The following TRPM1 variants were observed in gnomAD, a reference collection of about 807,000 sequenced individuals.
TRPM1 encodes the protein transient receptor potential cation channel subfamily M member 1.
In TRPM1, 113 loss-of-function variants were observed where a neutral mutation model predicts 149.4. The observed-to-expected ratio is 0.76, with a 90% CI of 0.65 to 0.88. The LOEUF (loss-of-function observed/expected upper bound fraction) is 0.88, where lower values mean the gene tolerates loss of function less well. Among genes scored for constraint, TRPM1 ranks in the 40% least tolerant of loss-of-function variants. The pLI, the probability that TRPM1 is intolerant of heterozygous loss-of-function variation, is 0.00. For missense variants in TRPM1, 1,976 were observed against 2,038.7 expected (o/e 0.97, Z 0.59); for synonymous variants, 741 against 759.5 (o/e 0.98, Z 0.40).
rs141993817 is a variant in TRPM1, at chr15:31,116,244, G to A, written c.55-39260C>T. Among the ~76,000 whole-genome samples, 1,494 of 152,280 alleles carry A rather than the reference G, an allele frequency of 9.8e-3. 26 individuals are homozygous for A. The highest frequency in any genetic ancestry group is 0.034 in the African/African-American group (1,403 of 41,554). On this transcript the variant is annotated intron_variant, in intron 1 of 26. Coordinates refer to the TRPM1 transcript ENST00000542188. ...TCTCCAGCCCTCCTGTCTCACATAA[G>A]TTGGGGAAAAGCTGCTGAGAAGCAC...
At chr15:31,135,751 C>T (rs1018799886) in intron 1 of TRPM1, among the ~76,000 whole-genome samples, 1 of 152,058 alleles carries the variant, frequency 6.6e-6, no homozygotes, top group African/African-American at 2.4e-5. Context: ...AAGAGCCTGG[C>T]ACCTCTCTCC....
At chr15:31,159,261 C>A (rs2036415362) in intron 1 of TRPM1, among the ~76,000 whole-genome samples, 1 of 152,186 alleles carries the variant, frequency 6.6e-6, no homozygotes, top group South Asian at 2.1e-4. Context: ...CCAGACCCTA[C>A]CCATTGCAAT....
At chr15:31,078,518 T>C (rs1307225556) in intron 2 of TRPM1, among the ~76,000 whole-genome samples, 2 of 152,198 alleles carry the variant, frequency 1.3e-5, no homozygotes, top group Non-Finnish European at 2.9e-5. Flanking sequence ...CACCGTACAC[T>C]TTTCTCTGTA....
intron 1 of TRPM1, among the ~76,000 whole-genome samples, chr15:31,151,897 G>A (rs1466273059): frequency 6.6e-6 from 1 of 152,222 alleles, no homozygotes; most frequent in Non-Finnish European, 1.5e-5. Context: ...CAGGAACCAG[G>A]CAAGTGCCCT....
intron 20 of TRPM1, 142 bp from the exon 21 acceptor site, chr15:31,035,816 T>C: frequency 8.3e-7 from 1 of 1,206,512 alleles, no homozygotes; most frequent in Non-Finnish European, 1.2e-6. Flanking sequence ...AAACCTTCAC[T>C]GCACCTCACC....
At chr15:31,116,389 C>T (rs890822811) in intron 1 of TRPM1, among the ~76,000 whole-genome samples, 4 of 152,134 alleles carry the variant, frequency 2.6e-5, no homozygotes, top group Non-Finnish European at 4.4e-5. Context: ...AGGTGGATCA[C>T]CTGAGGCTAG....
Position 31,156,930 on chromosome 15 carries a change from A to ATTTT in TRPM1, c.54+3972_54+3975dup, listed in dbSNP as rs11398253. On this transcript the variant is annotated intron_variant, in intron 1 of 26. Transcript: ENST00000542188. ...TTCTATAAATAGTGTACTTACATTT[A>ATTTT]TTTTTTTTTTTTTGAGATAGGGTCT... Among the ~76,000 whole-genome samples the ATTTT allele has an allele frequency of 1.8e-3, 259 of 147,598 alleles. 1 individual carries two copies. Among genetic ancestry groups the ATTTT allele is most frequent in the African/African-American group, 6.3e-3 (253 of 40,358 alleles).
At chr15:31,128,377 A>T (rs1282991066) in intron 1 of TRPM1, among the ~76,000 whole-genome samples, 1 of 152,064 alleles carries the variant, frequency 6.6e-6, no homozygotes, top group Admixed American at 6.5e-5. Flanking sequence ...TGTGGGCTGC[A>T]TCGTCTGTCT....
At chr15:31,055,342 A>T (rs1051127581) in intron 11 of TRPM1, among the ~76,000 whole-genome samples, 3 of 152,224 alleles carry the variant, frequency 2.0e-5, no homozygotes, top group African/African-American at 7.2e-5. Flanking sequence ...CAGGGAGAAG[A>T]GGCGGGCCAG....
In TRPM1 at chr15:31,067,014, C is replaced by T. The variant is rs754803439; in HGVS notation, c.618+49G>A. ...TCTGAATCAACGGTTACCTCAAAAT[C>T]AATCATTAATTTTAAAAAACTGCCA... On this transcript the variant is annotated intron_variant, in intron 6 of 27. Transcript: ENST00000256552. 4 of 1,611,952 alleles carry T rather than the reference C, an allele frequency of 2.5e-6. No homozygotes were observed. In the African/African-American group the frequency reaches 5.3e-5, roughly 22 times the overall value.
intron 1 of TRPM1, among the ~76,000 whole-genome samples, chr15:31,112,708 G>A (rs2141025155): frequency 6.6e-6 from 1 of 152,228 alleles, no homozygotes. Context: ...TCTAAACTCG[G>A]CCTCTTAGAG....
chr15:31,161,103 G>A (rs1045595992), exon 1 of TRPM1: 3 of 776,282 alleles, frequency 3.9e-6, no homozygotes, highest in East Asian at 2.7e-5. Context: ...CCACGCACTG[G>A]GCGAGGGGGC....
Position 31,031,049 on chromosome 15 carries a change from C to T in TRPM1, c.3061G>A (p.Ala1021Thr), listed in dbSNP as rs2033044650. 1.2e-6 allele frequency: 2 copies of T among 1,614,156 alleles called. No homozygotes were observed. Among genetic ancestry groups the T allele is most frequent in the Non-Finnish European group, 1.7e-6 (2 of 1,180,024 alleles). Residue 1021 changes from alanine to threonine, a missense_variant, in exon 23 of 28, where the codon GCC becomes ACC. Coordinates refer to ENST00000256552, the MANE Select transcript of TRPM1 (RefSeq NM_001252024.2). ...TAGGGCATGTAGAAGATGTTTCGGG[C>T]CAGTTTCCAAGAGGGCTTCTCCTCT... is the stretch of plus-strand genomic sequence containing the variant. ...HPEEKPSWKL[A>T]RNIFYMPYWM... is the part of the protein sequence containing the mutation.
intron 27 of TRPM1, among the ~76,000 whole-genome samples, chr15:31,007,635 A>G (rs1466386609): frequency 3.3e-5 from 2 of 61,440 alleles, no homozygotes; most frequent in Non-Finnish European, 6.3e-5. Flanking sequence ...GACTTCGTCT[A>G]TAACAACAGC....
intron 1 of TRPM1, among the ~76,000 whole-genome samples, chr15:31,151,525 C>G (rs567703592): frequency 4.6e-5 from 7 of 152,368 alleles, no homozygotes; most frequent in Non-Finnish European, 1.0e-4. Flanking sequence ...TGCTGAGCAG[C>G]TACCCTACAG....
intron 1 of TRPM1, among the ~76,000 whole-genome samples, chr15:31,110,899 CTCT>C (rs1443963725): frequency 4.7e-5 from 7 of 147,438 alleles, no homozygotes; most frequent in African/African-American, 1.6e-4. Flanking sequence ...CTCTCTCTCT[CTCT>C]CCCCCCCCTT....
intron 6 of TRPM1, among the ~76,000 whole-genome samples, chr15:31,066,681 GA>G (rs908064042): frequency 1.3e-5 from 2 of 151,688 alleles, no homozygotes; most frequent in African/African-American, 2.4e-5. Flanking sequence ...TATGTGGAGT[GA>G]AAAAAAAGCC....
chr15:31,025,639 C>T (rs931804253), intron 27 of TRPM1, among the ~76,000 whole-genome samples: 1 of 152,194 alleles, frequency 6.6e-6, no homozygotes, highest in African/African-American at 2.4e-5. Flanking sequence ...CCTCACCCCC[C>T]ACCCTGCACC....
At chr15:31,070,366 G>A (rs564919154) in intron 3 of TRPM1, 140 bp from the exon 4 acceptor site, 4 of 811,568 alleles carry the variant, frequency 4.9e-6, no homozygotes, top group Non-Finnish European at 8.5e-6. Flanking sequence ...CGTTATTAGG[G>A]ACAGAAATGC....
Sources: allele counts gnomAD v4.1 joint callset (sites outside exome capture counted in the v4.1 genomes callset), GRCh38; gene constraint gnomAD v4.1.1; transcripts MANE v1.5; gene names NCBI Gene and HGNC (gene_info 2026-07-23, HGNC 2026-07-21).